Variants in LINGO2 observed in about 807,000 individuals in gnomAD.
The protein encoded by LINGO2 is leucine-rich repeat and immunoglobulin-like domain-containing nogo receptor-interacting protein 2.
A neutral mutation model predicts 30.6 loss-of-function variants in LINGO2; 14 were observed. The observed-to-expected ratio is 0.46, with a 90% confidence interval of 0.30 to 0.72. LINGO2 has a LOEUF of 0.72. Among genes scored for constraint, LINGO2 ranks in the 30% least tolerant of loss-of-function variants. The pLI is 0.07. For synonymous variants in LINGO2, 317 were observed against 288.5 expected (o/e 1.10, Z -1.00); for missense variants, 729 against 751.7 (o/e 0.97, Z 0.35).
At chr9:28,790,598 T>C in the LINGO2 span, among the ~76,000 whole-genome samples, 6 of 151,630 alleles carry the variant, frequency 4.0e-5, no homozygotes, top group Non-Finnish European at 5.9e-5. Flanking sequence ...GCTCCCAAAA[T>C]GCTGGGATTA....
the LINGO2 span, among the ~76,000 whole-genome samples, chr9:28,709,984 T>A: frequency 6.6e-6 from 1 of 151,862 alleles, no homozygotes; most frequent in South Asian, 2.1e-4. Flanking sequence ...ATAATCAACC[T>A]TTTTGTGAAT....
chr9:28,894,831 T>TTATTTG, the LINGO2 span, among the ~76,000 whole-genome samples: 5 of 152,220 alleles, frequency 3.3e-5, no homozygotes, highest in South Asian at 1.0e-3. Context: ...AACATATGAA[T>TTATTTG]TACTTCACAT....
chr9:28,436,362 T>A (rs561968224), intron 2 of LINGO2, among the ~76,000 whole-genome samples: 22 of 152,222 alleles, frequency 1.4e-4, no homozygotes, highest in African/African-American at 5.1e-4. Flanking sequence ...GAGACGGTGA[T>A]TGTCAGGATT....
intron 5 of LINGO2, among the ~76,000 whole-genome samples, chr9:27,951,740 G>T (rs1173434224): frequency 6.6e-6 from 1 of 151,962 alleles, no homozygotes; most frequent in Non-Finnish European, 1.5e-5. Context: ...TTTTAATTAA[G>T]GTTCAGTAGT....
the LINGO2 span, among the ~76,000 whole-genome samples, chr9:28,954,514 A>C: frequency 6.6e-6 from 1 of 152,152 alleles, no homozygotes. Context: ...TGATGGTGGA[A>C]AATACAGTGA....
At chr9:29,086,844 C>T in the LINGO2 span, among the ~76,000 whole-genome samples, 1 of 151,640 alleles carries the variant, frequency 6.6e-6, no homozygotes. Context: ...CTGTTAGATT[C>T]AGCATTTACT....
chr9:28,900,397 A>G, the LINGO2 span, among the ~76,000 whole-genome samples: 1 of 152,150 alleles, frequency 6.6e-6, no homozygotes, highest in Non-Finnish European at 1.5e-5. Context: ...GTCAGTACCC[A>G]CAGAAGTTCC....
intron 3 of LINGO2, among the ~76,000 whole-genome samples, chr9:28,311,546 AGG>A (rs1172764400): frequency 3.3e-5 from 5 of 152,084 alleles, no homozygotes; most frequent in Non-Finnish European, 7.4e-5. Flanking sequence ...TCTCTTTCTC[AGG>A]GATGTTCCTT....
the LINGO2 span, among the ~76,000 whole-genome samples, chr9:28,769,518 ATTTTTTTTTTTTTTTTT>A: frequency 0.05 from 203 of 4,050 alleles, 5 homozygotes; most frequent in South Asian, 0.093. Flanking sequence ...ATATATATAT[ATTTTTTTTTTTTTTTTT>A]TTTTTTTTTT....
At chr9:28,061,107 A>G (rs1002220749) in intron 4 of LINGO2, among the ~76,000 whole-genome samples, 1 of 150,554 alleles carries the variant, frequency 6.6e-6, no homozygotes, top group African/African-American at 2.4e-5. Context: ...TTATTTTTCA[A>G]TTTCTTTTTT....
the LINGO2 span, among the ~76,000 whole-genome samples, chr9:28,877,058 A>C: frequency 6.7e-6 from 1 of 150,266 alleles, no homozygotes; most frequent in Non-Finnish European, 1.5e-5. Context: ...TCTTTTGAAA[A>C]GTGTCTGTTC....
chr9:29,031,400 A>T, the LINGO2 span, among the ~76,000 whole-genome samples: 1 of 152,018 alleles, frequency 6.6e-6, no homozygotes, highest in Non-Finnish European at 1.5e-5. Context: ...CTTCAGCCTC[A>T]GCCTCTCAAG....
At chr9:28,634,485 C>CTTTTTTTTTTTTTTTTT (rs755583837) in intron 1 of LINGO2, among the ~76,000 whole-genome samples, 7 of 124,668 alleles carry the variant, frequency 5.6e-5, no homozygotes, top group Non-Finnish European at 8.3e-5. Flanking sequence ...TTCTTTTTTT[C>CTTTTTTTTTTTTTTTTT]TTTTTTTTTT....
chr9:28,664,785 C>T (rs915344553), intron 1 of LINGO2, among the ~76,000 whole-genome samples: 12 of 151,570 alleles, frequency 7.9e-5, no homozygotes, highest in Non-Finnish European at 1.6e-4. Flanking sequence ...AATTCAGGTC[C>T]CAGCTTAAAA....
chr9:28,889,034 G>C, the LINGO2 span: 1 of 441,292 alleles, frequency 2.3e-6, no homozygotes, highest in South Asian at 1.6e-5. Context: ...ACAGTAATCT[G>C]TTCCCCTGGA....
At chr9:29,047,051 A>AAAAAAC in the LINGO2 span, among the ~76,000 whole-genome samples, 3 of 106,908 alleles carry the variant, frequency 2.8e-5, no homozygotes, top group South Asian at 3.2e-4. Context: ...AAAAAAAAAA[A>AAAAAAC]CCAAAAACAA....
At position 27,972,438 on chromosome 9, in the gene LINGO2, G is replaced by A. The variant is rs145851507; in HGVS notation, c.-35-21732C>T. Among the ~76,000 whole-genome samples, 296 of 152,190 alleles carry A rather than the reference G, an allele frequency of 1.9e-3. 3 individuals carry two copies. The highest frequency in any genetic ancestry group is 6.6e-3 in the African/African-American group (276 of 41,526). Reference sequence around the variant, plus strand: ...GTTTCCCCTTCTTATCCTAATCTTCGTTTCTCTGTCCTCCTAAAAGCCCTC... The same window carrying A: ...GTTTCCCCTTCTTATCCTAATCTTCATTTCTCTGTCCTCCTAAAAGCCCTC... On this transcript the variant is annotated intron_variant, in intron 5 of 5. Transcript: ENST00000379992.
the LINGO2 span, among the ~76,000 whole-genome samples, chr9:28,811,063 T>C: frequency 6.6e-6 from 1 of 152,174 alleles, no homozygotes; most frequent in African/African-American, 2.4e-5. Context: ...TTAATTTCAA[T>C]ATGGACAACA....
intron 4 of LINGO2, among the ~76,000 whole-genome samples, chr9:28,045,100 A>G (rs1824357078): frequency 6.6e-6 from 1 of 151,978 alleles, no homozygotes. Flanking sequence ...GAAAAAATTG[A>G]GACTTTTTCC....
Sources: gnomAD v4.1 joint callset for allele counts (sites outside exome capture counted in the v4.1 genomes callset) on GRCh38, gnomAD v4.1.1 for gene constraint, MANE v1.5 for transcripts, NCBI Gene and HGNC (gene_info 2026-07-23, HGNC 2026-07-21) for gene names.